The following DLG2 variants were observed in gnomAD, a reference collection of about 807,000 sequenced individuals.
DLG2 encodes the protein discs large MAGUK scaffold protein 2.
A neutral mutation model predicts 132.5 loss-of-function variants in DLG2; 45 were observed. The observed-to-expected ratio is 0.34, with a 90% CI of 0.27 to 0.44. DLG2 has a LOEUF of 0.44. DLG2 is among the 20% of genes least tolerant of loss of function. DLG2 has a pLI of 1.00. For synonymous variants in DLG2, 424 were observed against 419.6 expected (o/e 1.01, Z -0.13); for missense variants, 1,045 against 1,196.9 (o/e 0.87, Z 1.87).
At chr11:85,548,946 A>T (rs1392271890) in intron 3 of DLG2, among the ~76,000 whole-genome samples, 1 of 152,052 alleles carries the variant, frequency 6.6e-6, no homozygotes, top group Non-Finnish European at 1.5e-5. Context: ...TGGGACTGCC[A>T]AGCCAAACCA....
intron 3 of DLG2, among the ~76,000 whole-genome samples, chr11:85,506,814 G>T (rs907872166): frequency 1.3e-5 from 2 of 152,140 alleles, no homozygotes; most frequent in African/African-American, 4.8e-5. Flanking sequence ...GTTGACAGTG[G>T]GGTGTTAAAG....
chr11:84,425,087 T>C (rs1221054436), intron 7 of DLG2, among the ~76,000 whole-genome samples: 1 of 152,160 alleles, frequency 6.6e-6, no homozygotes, highest in Admixed American at 6.5e-5. Context: ...TCTGTATCCA[T>C]GCATCATTGT....
rs574596609 is a variant in DLG2 at position 84,459,765 on chromosome 11, G to T, written c.519+74805C>A. ...TATTTTCCATTTTTTGAAGTAGTTAGAAGTATACATCTTTTAATACTTCTA... is the reference window on the plus strand; with the variant it reads ...TATTTTCCATTTTTTGAAGTAGTTATAAGTATACATCTTTTAATACTTCTA... On this transcript the variant is annotated intron_variant, in intron 7 of 27. Coordinates refer to ENST00000376104, the MANE Select transcript of DLG2 (RefSeq NM_001142699.3). Among the ~76,000 whole-genome samples, 221 of 150,570 alleles carry T rather than the reference G, an allele frequency of 1.5e-3. 2 individuals carry two copies. The highest frequency in any genetic ancestry group is 3.4e-3 in the Middle Eastern group (1 of 294).
chr11:85,009,110 G>T (rs895335265), intron 6 of DLG2, among the ~76,000 whole-genome samples: 3 of 151,886 alleles, frequency 2.0e-5, no homozygotes, highest in Admixed American at 6.6e-5. Flanking sequence ...TAGAGGAAAA[G>T]GTAAGGTCAA....
intron 3 of DLG2, among the ~76,000 whole-genome samples, chr11:85,574,278 C>A (rs1486230859): frequency 6.6e-6 from 1 of 151,944 alleles, no homozygotes; most frequent in Admixed American, 6.6e-5. Context: ...AAATTTCTAA[C>A]CTTGATATCT....
intron 6 of DLG2, among the ~76,000 whole-genome samples, chr11:85,027,258 A>G (rs2060615901): frequency 6.9e-6 from 1 of 145,932 alleles, no homozygotes; most frequent in Admixed American, 7.1e-5. Flanking sequence ...TACACATATG[A>G]TATACACATA....
At chr11:83,671,364 C>T (rs1422041495) in intron 18 of DLG2, among the ~76,000 whole-genome samples, 1 of 152,226 alleles carries the variant, frequency 6.6e-6, no homozygotes, top group African/African-American at 2.4e-5. Flanking sequence ...TTGAATCACA[C>T]ATCCTGATGT....
intron 18 of DLG2, among the ~76,000 whole-genome samples, chr11:83,666,341 C>G (rs1317657502): frequency 6.6e-6 from 1 of 152,164 alleles, no homozygotes; most frequent in African/African-American, 2.4e-5. Context: ...CTGGGCCGCA[C>G]AGCAGGAGGT....
Position 84,487,558 on chromosome 11 carries a change from G to A in DLG2, c.519+47012C>T, listed in dbSNP as rs532936150. Reference sequence around the variant, plus strand: ...TGTCCTAATAACTTAGGTATTTTATGAAAACTTTTTAATTCAATCCTTTCT... The same window carrying A: ...TGTCCTAATAACTTAGGTATTTTATAAAAACTTTTTAATTCAATCCTTTCT... On this transcript the variant is annotated intron_variant, in intron 7 of 27. Coordinates refer to ENST00000376104, the MANE Select transcript of DLG2 (RefSeq NM_001142699.3). Among the ~76,000 whole-genome samples the A allele has an allele frequency of 9.2e-5, 14 of 152,180 alleles. 1 individual carries two copies. In the South Asian group the frequency reaches 2.9e-3, roughly 32 times the overall value.
rs1019805014 is a variant in DLG2, at chr11:85,219,010, G to A, written c.187-64359C>T. On this transcript the variant is annotated intron_variant, in intron 4 of 27. Coordinates refer to ENST00000376104, the MANE Select transcript of DLG2 (RefSeq NM_001142699.3). ...AATACCACATGTTCTTACTTATAGG[G>A]GGAAGCTAAACACTGAGCACACATT... Among the ~76,000 whole-genome samples the A allele has an allele frequency of 3.3e-5, 5 of 152,128 alleles. No homozygotes were observed. In the South Asian group the frequency reaches 6.2e-4, roughly 19 times the overall value.
At chr11:84,700,990 A>G (rs575897255) in intron 6 of DLG2, among the ~76,000 whole-genome samples, 1 of 151,390 alleles carries the variant, frequency 6.6e-6, no homozygotes. Context: ...TCTGCTTTCC[A>G]TTCTGGCTTT....
chr11:83,616,136 C>T (rs371683413), intron 19 of DLG2, among the ~76,000 whole-genome samples: 12 of 152,056 alleles, frequency 7.9e-5, no homozygotes, highest in East Asian at 1.9e-4. Context: ...ATTTATTTAC[C>T]TATTCTATTG....
At chr11:84,730,776 A>G (rs1471030273) in intron 6 of DLG2, among the ~76,000 whole-genome samples, 1 of 152,010 alleles carries the variant, frequency 6.6e-6, no homozygotes, top group Non-Finnish European at 1.5e-5. Context: ...TACCCCCAGG[A>G]ACACCACTCT....
chr11:84,405,459 G>A (rs866276985), intron 7 of DLG2, among the ~76,000 whole-genome samples: 1 of 152,156 alleles, frequency 6.6e-6, no homozygotes, highest in Non-Finnish European at 1.5e-5. Context: ...TTCCTTTCAT[G>A]TAGAATATTG....
chr11:84,917,939 C>T (rs1269589697), intron 6 of DLG2, among the ~76,000 whole-genome samples: 3 of 152,132 alleles, frequency 2.0e-5, no homozygotes, highest in Non-Finnish European at 4.4e-5. Flanking sequence ...CCATCTCTGA[C>T]TTGTTATGAG....
intron 18 of DLG2, among the ~76,000 whole-genome samples, chr11:83,753,725 CTA>C (rs771828580): frequency 5.3e-5 from 7 of 131,202 alleles, no homozygotes; most frequent in South Asian, 2.3e-4. Context: ...TATATAGACA[CTA>C]TATATATGAT....
chr11:84,098,782 A>G (rs2092113272), intron 10 of DLG2, 141 bp downstream of exon 10: 1 of 966,346 alleles, frequency 1.0e-6, no homozygotes, highest in Non-Finnish European at 1.5e-6. Context: ...AAGATCTGCA[A>G]AGTCATTTCA....
chr11:84,674,181 C>G (rs1345629302), intron 6 of DLG2, among the ~76,000 whole-genome samples: 4 of 152,118 alleles, frequency 2.6e-5, no homozygotes, highest in Non-Finnish European at 5.9e-5. Flanking sequence ...ATGAAGACAA[C>G]TATGCATTCA....
chr11:83,926,697 C>T (rs1053798648), intron 15 of DLG2, among the ~76,000 whole-genome samples: 3 of 152,046 alleles, frequency 2.0e-5, no homozygotes, highest in African/African-American at 7.2e-5. Flanking sequence ...TTGGGTTCCA[C>T]AACATTACTA....
Sources: gnomAD v4.1 joint callset for allele counts (sites outside exome capture counted in the v4.1 genomes callset) on GRCh38, gnomAD v4.1.1 for gene constraint, MANE v1.5 for transcripts, NCBI Gene and HGNC (gene_info 2026-07-23, HGNC 2026-07-21) for gene names.